Variants in GFRA3 observed in about 807,000 individuals in gnomAD.
GFRA3 encodes GDNF family receptor alpha-3.
Under a neutral mutation model 40.0 loss-of-function variants are expected in GFRA3, and 24 were observed. The observed-to-expected ratio is 0.60, with a 90% CI of 0.43 to 0.84. The LOEUF is 0.84. Among genes scored for constraint, GFRA3 ranks in the 40% least tolerant of loss-of-function variants. The pLI, the probability that GFRA3 is intolerant of heterozygous loss-of-function variation, is 0.00. For synonymous variants in GFRA3, 203 were observed against 213.5 expected (o/e 0.95, Z 0.43); for missense variants, 405 against 530.6 (o/e 0.76, Z 2.33).
intron 1 of GFRA3, among the ~76,000 whole-genome samples, chr5:138,269,734 T>G (rs1405199199): frequency 6.7e-6 from 1 of 148,728 alleles, no homozygotes; most frequent in Non-Finnish European, 1.5e-5. Context: ...TCCCAGCTAC[T>G]GAGGAGGCTG....
Position 138,253,293 on chromosome 5 carries a change from T to C in GFRA3, c.1107A>G (p.Ala369=). 6.3e-7 allele frequency: 1 copy of C among 1,588,266 alleles called. No homozygotes were observed. Among genetic ancestry groups the C allele is most frequent in the Non-Finnish European group, 8.6e-7 (1 of 1,163,902 alleles). ...GTAACAGAGGAGGCCCTACCTGGTG[T>C]GCCATCACAGCAAAGGTAGGGTGTG... ...DWPHPTFAVM[A]HQNENPAVRP... Residue 369 remains alanine, a synonymous_variant, in exon 7 of 8, where the codon GCA becomes GCG. Coordinates refer to ENST00000274721, the MANE Select transcript of GFRA3 (RefSeq NM_001496.4).
chr5:138,253,732 C>A (rs1310228305), intron 6 of GFRA3, 34 bp downstream of exon 6: 1 of 1,603,832 alleles, frequency 6.2e-7, no homozygotes, highest in Admixed American at 1.7e-5. Context: ...GCTGACTCAG[C>A]CCCAGGGGCT....
chr5:138,259,898 T>C (rs1365542215), intron 2 of GFRA3, among the ~76,000 whole-genome samples: 1 of 152,004 alleles, frequency 6.6e-6, no homozygotes, highest in Non-Finnish European at 1.5e-5. Flanking sequence ...CTGAGCACCA[T>C]GCTATAAGTG....
At chr5:138,263,666 A>G (rs983825535) in intron 2 of GFRA3, among the ~76,000 whole-genome samples, 2 of 152,344 alleles carry the variant, frequency 1.3e-5, no homozygotes, top group African/African-American at 4.8e-5. Context: ...CCCAGAATGA[A>G]GAAGGCCCAT....
chr5:138,253,630 T>C (rs1755583190), intron 6 of GFRA3, 136 bp downstream of exon 6: 4 of 819,636 alleles, frequency 4.9e-6, no homozygotes, highest in African/African-American at 1.7e-5. Context: ...GCTATGGCAA[T>C]GAAAGCCTAT....
At chr5:138,272,377 C>T (rs1045408536) in intron 1 of GFRA3, among the ~76,000 whole-genome samples, 1 of 149,888 alleles carries the variant, frequency 6.7e-6, no homozygotes, top group Non-Finnish European at 1.5e-5. Context: ...CGGTGGCGCA[C>T]ACCTTTAATT....
intron 2 of GFRA3, among the ~76,000 whole-genome samples, chr5:138,262,999 C>T (rs1342919572): frequency 6.6e-6 from 1 of 152,144 alleles, no homozygotes; most frequent in East Asian, 1.9e-4. Context: ...GAGTCTCGCT[C>T]TGTCGCCCAG....
intron 2 of GFRA3, among the ~76,000 whole-genome samples, chr5:138,260,321 C>T (rs899998948): frequency 6.6e-6 from 1 of 152,090 alleles, no homozygotes; most frequent in African/African-American, 2.4e-5. Flanking sequence ...CCTGGATCTT[C>T]CAGTGAAGAA....
chr5:138,261,583 A>G (rs1755710597), intron 2 of GFRA3, among the ~76,000 whole-genome samples: 2 of 151,082 alleles, frequency 1.3e-5, no homozygotes, highest in Admixed American at 6.7e-5. Flanking sequence ...AATCCCAGCT[A>G]CTCAGGAGGC....
chr5:138,270,519 C>G (rs1755853985), intron 1 of GFRA3, among the ~76,000 whole-genome samples: 1 of 148,056 alleles, frequency 6.8e-6, no homozygotes, highest in Non-Finnish European at 1.5e-5. Flanking sequence ...TATGAGGATA[C>G]AAAGGCATAA....
intron 1 of GFRA3, among the ~76,000 whole-genome samples, chr5:138,271,517 G>A (rs1253724712): frequency 6.6e-6 from 1 of 152,122 alleles, no homozygotes; most frequent in African/African-American, 2.4e-5. Flanking sequence ...ATTTGATCCA[G>A]TGTGCAAATG....
intron 1 of GFRA3, 125 bp downstream of exon 1, chr5:138,274,209 C>T (rs769366787): frequency 6.5e-6 from 8 of 1,227,390 alleles, no homozygotes; most frequent in African/African-American, 1.5e-5. Flanking sequence ...GCTCCAGTTC[C>T]CCTTGTTCGG....
chr5:138,271,278 C>A (rs1755864251), intron 1 of GFRA3, among the ~76,000 whole-genome samples: 1 of 152,188 alleles, frequency 6.6e-6, no homozygotes, highest in Admixed American at 6.5e-5. Context: ...CAGGCATGAG[C>A]CACTGTGCCC....
intron 2 of GFRA3, among the ~76,000 whole-genome samples, chr5:138,262,243 A>C (rs1755721010): frequency 6.6e-6 from 1 of 152,146 alleles, no homozygotes; most frequent in African/African-American, 2.4e-5. Context: ...AAATGTGGCC[A>C]AAGAGAAAAC....
At chr5:138,262,936 AT>A (rs1424436127) in intron 2 of GFRA3, among the ~76,000 whole-genome samples, 2 of 151,890 alleles carry the variant, frequency 1.3e-5, no homozygotes, top group Admixed American at 6.6e-5. Context: ...TTGAAGCCTG[AT>A]GTCATGTTTG....
At chr5:138,256,527 C>CAA (rs34134253) in intron 4 of GFRA3, among the ~76,000 whole-genome samples, 92 of 115,482 alleles carry the variant, frequency 8.0e-4, no homozygotes, top group Admixed American at 1.1e-3. Context: ...GACTCCATCT[C>CAA]AAAAAAAACA....
At position 138,257,791 on chromosome 5, in the gene GFRA3, G is replaced by T. The variant is rs915081765; in HGVS notation, c.633C>A (p.His211Gln). The change falls in exon 4 of 8, where the codon CAC becomes CAA. Residue 211 changes from histidine (H) to glutamine (Q), a missense_variant. By Grantham distance (24) the His-to-Gln change is conservative (BLOSUM62 0). Coordinates refer to ENST00000274721, the MANE Select transcript of GFRA3 (RefSeq NM_001496.4). Reference protein sequence around the residue: ...LTFFEKAAEPHAQGLLLCPCA... With the variant: ...LTFFEKAAEPQAQGLLLCPCA... ...ATGGGCACAGTAGCAGGCCCTGCGC[G>T]TGGGGCTCGGCGGCCTTCTCGAAGA... 6.2e-7 allele frequency: 1 copy of T among 1,612,856 alleles called. No individual in the cohort carries two copies. Among genetic ancestry groups the T allele is most frequent in the Non-Finnish European group, 8.5e-7 (1 of 1,179,414 alleles).
intron 4 of GFRA3, among the ~76,000 whole-genome samples, chr5:138,254,832 G>A (rs953819167): frequency 2.0e-5 from 3 of 151,998 alleles, no homozygotes; most frequent in Non-Finnish European, 2.9e-5. Flanking sequence ...AGCGGCTCAC[G>A]CCTGTAATCC....
chr5:138,264,619 T>C (rs569481472), intron 1 of GFRA3, 71 bp from the exon 2 acceptor site: 144 of 1,032,540 alleles, frequency 1.4e-4, no homozygotes, highest in Non-Finnish European at 1.9e-4. Context: ...AGTCATGAGG[T>C]TGGGAGAGGG....
Sources: allele counts gnomAD v4.1 joint callset (sites outside exome capture counted in the v4.1 genomes callset), GRCh38; gene constraint gnomAD v4.1.1; transcripts MANE v1.5; gene names NCBI Gene and HGNC (gene_info 2026-07-23, HGNC 2026-07-21).